Variants in DOK7 observed in about 807,000 individuals in gnomAD.
The protein encoded by DOK7 is protein Dok-7.
DOK7 carries 32 observed loss-of-function variants against 30.7 expected under a neutral mutation model. That is an observed-to-expected ratio of 1.04 (90% confidence interval 0.79 to 1.40). The LOEUF is 1.40. Ranked by LOEUF, DOK7 falls within the 40% of genes most tolerant of loss-of-function variation. DOK7 has a pLI of 0.00. For missense variants in DOK7, 1,007 were observed against 699.2 expected (o/e 1.44, Z -4.97); for synonymous variants, 447 against 324.1 (o/e 1.38, Z -4.07).
chr4:3,484,295 G>A (rs372282412), intron 4 of DOK7, among the ~76,000 whole-genome samples: 7 of 152,188 alleles, frequency 4.6e-5, no homozygotes, highest in East Asian at 1.9e-4. Flanking sequence ...GCCACGTGTC[G>A]GGGCTGGCCT....
chr4:3,468,952 A>T (rs111163248), intron 2 of DOK7, among the ~76,000 whole-genome samples: 6 of 90,360 alleles, frequency 6.6e-5, no homozygotes, highest in Admixed American at 2.1e-4. Flanking sequence ...TGCACGTGTG[A>T]GTGTGGTGCC....
Position 3,463,433 on chromosome 4 carries a change from G to A in DOK7, c.54+4G>A, listed in dbSNP as rs1389074051. 7.0e-7 allele frequency: 1 copy of A among 1,437,944 alleles called. No individual in the cohort carries two copies. Among genetic ancestry groups the A allele is most frequent in the South Asian group, 1.4e-5 (1 of 70,168 alleles). 89.1% of individuals were successfully genotyped at this position (1,437,944 alleles called of 1,614,324 possible). ...CAAGCTGCGGGACGGCAAGAAGGTC[G>A]GGGCGCGTCGGGGGCGCGGGGGGGG... On this transcript the variant is annotated splice_donor_region_variant and intron_variant, in intron 1 of 6. Transcript: ENST00000340083.
chr4:3,498,978 G>A (rs767883464), downstream of DOK7, among the ~76,000 whole-genome samples: 2 of 152,214 alleles, frequency 1.3e-5, no homozygotes, highest in East Asian at 1.9e-4. Context: ...GGTCTCCCTG[G>A]CCTCAGTTTC....
At chr4:3,501,024 T>C (rs1729160680) in exon 8 of DOK7, 1 of 824,934 alleles carries the variant, frequency 1.2e-6, no homozygotes, top group African/African-American at 1.7e-5. Flanking sequence ...CTCACAGGTG[T>C]CCGGGGCTGA....
At chr4:3,465,582 T>TG (rs1433017670) in intron 2 of DOK7, among the ~76,000 whole-genome samples, 3 of 152,238 alleles carry the variant, frequency 2.0e-5, no homozygotes, top group African/African-American at 7.2e-5. Context: ...CTGGCACCTT[T>TG]CTCCTCCTTG....
chr4:3,484,341 C>T (rs1211348328), intron 4 of DOK7, among the ~76,000 whole-genome samples: 3 of 152,192 alleles, frequency 2.0e-5, no homozygotes, highest in East Asian at 1.9e-4. Flanking sequence ...GCCTGTGTTC[C>T]GTGAAGGCAG....
intron 2 of DOK7, among the ~76,000 whole-genome samples, chr4:3,471,047 G>A (rs1251264521): frequency 6.6e-6 from 1 of 152,256 alleles, no homozygotes; most frequent in Non-Finnish European, 1.5e-5. Flanking sequence ...CCTCGAGGTG[G>A]AAGGTGGTGG....
chr4:3,500,391 G>A (rs368596497), exon 7 of DOK7: 105 of 1,535,802 alleles, frequency 6.8e-5, no homozygotes, highest in Middle Eastern at 1.7e-4. Context: ...GGAGGCCAGC[G>A]AGGGTGTCCG....
rs78349926 is a variant in DOK7, at chr4:3,490,597, T to G, written c.772+801T>G. ...CTTCTCTCTCTGCTCATTCCTTCAT[T>G]TCTTCTCTCCCTGCTCGTTCATTCC... On this transcript the variant is annotated intron_variant, in intron 6 of 6. Transcript: ENST00000340083. Among the ~76,000 whole-genome samples, 837 of 126,376 alleles carry G rather than the reference T, an allele frequency of 6.6e-3. 16 individuals are homozygous for G. Among genetic ancestry groups the G allele is most frequent in the African/African-American group, 0.025 (789 of 31,510 alleles). The allele number at this position is 126,376 out of a possible 152,430, so 82.9% of individuals were successfully genotyped here. A position where few individuals can be genotyped will look rare whatever the true frequency, so the allele number is the denominator to read the frequency against.
rs143821601 is a variant in DOK7 at position 3,492,866 on chromosome 4, A to G, written c.880A>G (p.Thr294Ala). Residue 294 changes from threonine (T) to alanine (A), a missense_variant, in exon 7 of 7, where the codon ACG becomes GCG. Thr to Ala is a moderately conservative substitution (Grantham distance 58). Coordinates refer to ENST00000340083, the MANE Select transcript of DOK7 (RefSeq NM_173660.5). ...WPEQSSSSAS[T>A]SQEGPRPAAA... ...AGAGCAATCCTCGTCGTCAGCCAGCACGTCACAGGAGGGGCCTAGACCAGC... is the reference window on the plus strand; with the variant it reads ...AGAGCAATCCTCGTCGTCAGCCAGCGCGTCACAGGAGGGGCCTAGACCAGC... The G allele has an allele frequency of 6.2e-6, 10 of 1,608,036 alleles. No homozygotes were observed. The African/African-American group carries it at 1.2e-4, about 19-fold the overall frequency.
rs369749866 is a variant in DOK7, at chr4:3,463,679, G to A, written c.100+128G>A. On this transcript the variant is annotated intron_variant, in intron 2 of 6. Coordinates refer to ENST00000340083, the MANE Select transcript of DOK7 (RefSeq NM_173660.5). ...CCCCGCCGGGAAACCCGAGAGCCCC[G>A]TGCGGACCCGGACCCCCCGGCGCCC... 84 of 1,246,462 alleles carry A rather than the reference G, an allele frequency of 6.7e-5. 1 individual carries two copies. The East Asian group carries it at 7.4e-4, about 11-fold the overall frequency. 77.2% of individuals were successfully genotyped at this position (1,246,462 alleles called of 1,614,324 possible). A position where few individuals can be genotyped will look rare whatever the true frequency, so the allele number is the denominator to read the frequency against.
rs374138658 is a variant in DOK7, at chr4:3,477,662, G to A, written c.532+1120G>A. 2.0e-4 allele frequency among the ~76,000 whole-genome samples: 30 copies of A among 152,354 alleles called. No individual in the cohort carries two copies. The South Asian group carries it at 4.6e-3, about 23-fold the overall frequency. ...GGCTCAGGCTCCACGGACTGGGGGC[G>A]TACACAGCCAGCTGCAGGAGGCACG... On this transcript the variant is annotated intron_variant, in intron 4 of 6. Coordinates refer to ENST00000340083, the MANE Select transcript of DOK7 (RefSeq NM_173660.5).
intron 6 of DOK7, among the ~76,000 whole-genome samples, chr4:3,492,359 C>T (rs537307980): frequency 9.3e-5 from 14 of 150,532 alleles, no homozygotes; most frequent in East Asian, 8.0e-4. Context: ...AGCCTGGGGC[C>T]GTGATGGTGC....
Position 3,494,473 on chromosome 4 carries a change from TC to T in DOK7, c.*973del. 3.0e-6 allele frequency: 3 copies of T among 985,482 alleles called. No individual in the cohort carries two copies. Among genetic ancestry groups the T allele is most frequent in the South Asian group, 4.7e-5 (1 of 21,294 alleles). The allele number at this position is 985,482 out of a possible 1,614,324, so 61.0% of individuals were successfully genotyped here. On this transcript the variant is annotated 3_prime_UTR_variant, in exon 7 of 7. Transcript: ENST00000340083. ...TTGTAATAGACTGGAAATAAAATGT[TC>T]TTTCCTTACCACCTTGTCCTAGTCC... is the stretch of plus-strand genomic sequence containing the variant.
chr4:3,468,023 TTTCAGA>T (rs1726411419), intron 2 of DOK7, among the ~76,000 whole-genome samples: 1 of 152,226 alleles, frequency 6.6e-6, no homozygotes, highest in African/African-American at 2.4e-5. Flanking sequence ...AACACTGGAA[TTTCAGA>T]TTCAGACCCC....
In DOK7 at chr4:3,490,591, C is replaced by CTTCTTCTCTCCCTGCTCA. The variant is rs1560227444; in HGVS notation, c.772+798_772+799insTTCTCTCCCTGCTCATTC. Among the ~76,000 whole-genome samples the CTTCTTCTCTCCCTGCTCA allele has an allele frequency of 1.2e-4, 15 of 121,538 alleles. 1 individual carries two copies. The highest frequency in any genetic ancestry group is 4.0e-4 in the African/African-American group (12 of 30,180). The allele number at this position is 121,538 out of a possible 152,430, so 79.7% of individuals were successfully genotyped here. A position where few individuals can be genotyped will look rare whatever the true frequency, so the allele number is the denominator to read the frequency against. On this transcript the variant is annotated intron_variant, in intron 6 of 6. Transcript: ENST00000340083. ...TTTTTCCTTCTCTCTCTGCTCATTC[C>CTTCTTCTCTCCCTGCTCA]TTCATTTCTTCTCTCCCTGCTCGTT... is the stretch of plus-strand genomic sequence containing the variant.
Position 3,476,229 on chromosome 4 carries a change from TGCCCGTG to T in DOK7, c.332-112_332-106del, listed in dbSNP as rs1727062825. ...GCCCATGATGCCCTCTCGCCCCGCC[TGCCCGTG>T]ATGCCCTCTCACCCCACCCGCCCGT... On this transcript the variant is annotated intron_variant, in intron 3 of 6. Transcript: ENST00000340083. 3 of 256,944 alleles carry T rather than the reference TGCCCGTG, an allele frequency of 1.2e-5. No homozygotes were observed. The African/African-American group carries it at 2.5e-4, about 21-fold the overall frequency. The allele number at this position is 256,944 out of a possible 1,614,324, so 15.9% of individuals were successfully genotyped here. A position where few individuals can be genotyped will look rare whatever the true frequency, so the allele number is the denominator to read the frequency against.
At chr4:3,498,543 C>A (rs534227438), downstream of DOK7, among the ~76,000 whole-genome samples, 6 of 152,264 alleles carry the variant, frequency 3.9e-5, no homozygotes, top group Admixed American at 3.9e-4. Context: ...GGCCCTGCCC[C>A]TTGGCTTCAA....
chr4:3,481,955 C>T (rs1727466235), intron 4 of DOK7, among the ~76,000 whole-genome samples: 1 of 152,110 alleles, frequency 6.6e-6, no homozygotes. Context: ...GCAACCCCAG[C>T]CTCTGTCCAG....
Sources: gnomAD v4.1 joint callset for allele counts (sites outside exome capture counted in the v4.1 genomes callset) on GRCh38, gnomAD v4.1.1 for gene constraint, MANE v1.5 for transcripts, NCBI Gene and HGNC (gene_info 2026-07-23, HGNC 2026-07-21) for gene names.